LRP1B: variants seen among roughly 807,000 people sequenced by gnomAD.
LRP1B encodes LDL receptor related protein 1B, also known as low-density lipoprotein receptor-related protein 1B.
In LRP1B, 217 loss-of-function variants were observed where a neutral mutation model predicts 556.6. The observed-to-expected ratio is 0.39, with a 90% CI of 0.35 to 0.44. LRP1B has a LOEUF of 0.44. Ranked by LOEUF, LRP1B falls within the 20% of genes least tolerant of loss-of-function variation. The pLI, the probability that LRP1B is intolerant of heterozygous loss-of-function variation, is 1.00. For missense variants in LRP1B, 5,053 were observed against 5,620.8 expected, an observed-to-expected ratio of 0.90 and a Z score of 3.23; for synonymous variants, 2,047 against 1,865.8, an observed-to-expected ratio of 1.10 and a Z score of -2.50.
At chr2:141,331,541 T>TTTCTTTCTTTCTTTTCTTTCTTTCTTTC (rs141339943) in intron 3 of LRP1B, among the ~76,000 whole-genome samples, 1 of 144,648 alleles carries the variant, frequency 6.9e-6, no homozygotes, top group African/African-American at 2.7e-5. Flanking sequence ...TCTTTCTTTC[T>TTTCTTTCTTTCTTTTCTTTCTTTCTTTC]TTCTTTCTTT....
At chr2:140,367,508 T>C (rs1476607871) in intron 71 of LRP1B, among the ~76,000 whole-genome samples, 1 of 151,690 alleles carries the variant, frequency 6.6e-6, no homozygotes, top group African/African-American at 2.4e-5. Flanking sequence ...GATACTCCTT[T>C]CTCTCAAACT....
intron 7 of LRP1B, among the ~76,000 whole-genome samples, chr2:141,185,568 G>A (rs1361646841): frequency 6.6e-6 from 1 of 150,818 alleles, no homozygotes; most frequent in Non-Finnish European, 1.5e-5. Flanking sequence ...TAAAAACAAG[G>A]TTGATTTAAA....
chr2:141,742,317 T>C (rs940096390), intron 2 of LRP1B, among the ~76,000 whole-genome samples: 1 of 150,556 alleles, frequency 6.6e-6, no homozygotes, highest in African/African-American at 2.4e-5. Flanking sequence ...AGTGGTGCAA[T>C]CTCGACTCAC....
chr2:140,508,924 C>T (rs947219384), intron 52 of LRP1B, among the ~76,000 whole-genome samples: 1 of 152,056 alleles, frequency 6.6e-6, no homozygotes, highest in African/African-American at 2.4e-5. Flanking sequence ...GCCTCATTGA[C>T]CTTTACAGAC....
At chr2:140,740,578 G>A (rs1688103089) in intron 35 of LRP1B, among the ~76,000 whole-genome samples, 1 of 152,008 alleles carries the variant, frequency 6.6e-6, no homozygotes, top group South Asian at 2.1e-4. Context: ...CAGGTGATGG[G>A]TGCACCAAAA....
intron 32 of LRP1B, among the ~76,000 whole-genome samples, chr2:140,784,301 T>C (rs934899636): frequency 6.6e-6 from 1 of 151,310 alleles, no homozygotes; most frequent in Non-Finnish European, 1.5e-5. Flanking sequence ...ATGTGAGATA[T>C]TAAAAGGTTT....
At chr2:140,377,200 C>G (rs754523780) in intron 68 of LRP1B, among the ~76,000 whole-genome samples, 3 of 152,126 alleles carry the variant, frequency 2.0e-5, no homozygotes, top group African/African-American at 7.2e-5. Flanking sequence ...CTCAGCCTCC[C>G]AAGTAGCTGG....
At chr2:141,603,397 T>G (rs1447044839) in intron 2 of LRP1B, among the ~76,000 whole-genome samples, 1 of 152,196 alleles carries the variant, frequency 6.6e-6, no homozygotes, top group African/African-American at 2.4e-5. Flanking sequence ...AATCCTACTT[T>G]CTACATGAAA....
chr2:141,465,865 C>T (rs1244184426), intron 3 of LRP1B, among the ~76,000 whole-genome samples: 2 of 148,414 alleles, frequency 1.3e-5, no homozygotes, highest in African/African-American at 5.0e-5. Flanking sequence ...ACTTTTATAC[C>T]TCTCAGGTAT....
intron 2 of LRP1B, among the ~76,000 whole-genome samples, chr2:141,664,860 A>G (rs1243232975): frequency 6.6e-6 from 1 of 152,226 alleles, no homozygotes; most frequent in Non-Finnish European, 1.5e-5. Context: ...AAAGTACTTT[A>G]AAATTGATAT....
chr2:141,153,473 AATAT>A (rs538879752), intron 7 of LRP1B, among the ~76,000 whole-genome samples: 2 of 113,938 alleles, frequency 1.8e-5, no homozygotes, highest in African/African-American at 3.2e-5. Context: ...TATAATAAAT[AATAT>A]ATATATTAGC....
rs535201246 is a variant in LRP1B at position 141,391,935 on chromosome 2, T to C, written c.343+88461A>G. ...AATTTTACCCCTATGATGTACCCAC[T>C]ACTATGTATAAGTAAAAATACCCTC... is the stretch of plus-strand genomic sequence containing the variant. On this transcript the variant is annotated intron_variant, in intron 3 of 90. Transcript: ENST00000389484. Among the ~76,000 whole-genome samples, 3 of 152,316 alleles carry C rather than the reference T, an allele frequency of 2.0e-5. No homozygotes were observed. In the South Asian group the frequency reaches 6.2e-4, roughly 32 times the overall value.
At chr2:140,920,972 T>C (rs772556961) in intron 21 of LRP1B, among the ~76,000 whole-genome samples, 1 of 152,032 alleles carries the variant, frequency 6.6e-6, no homozygotes, top group African/African-American at 2.4e-5. Context: ...CAGATTTATT[T>C]TGATGTTGAA....
intron 41 of LRP1B, among the ~76,000 whole-genome samples, chr2:140,621,400 A>AAT (rs397956182): frequency 3.4e-4 from 51 of 150,756 alleles, no homozygotes; most frequent in African/African-American, 1.2e-3. Context: ...AAAAAAAAAA[A>AAT]GAAAAGAAGA....
intron 52 of LRP1B, among the ~76,000 whole-genome samples, chr2:140,508,292 G>A (rs1689505886): frequency 6.6e-6 from 1 of 151,832 alleles, no homozygotes; most frequent in African/African-American, 2.4e-5. Flanking sequence ...CATATTAGTA[G>A]GATATTTTAC....
At chr2:141,715,377 GAGAGGATCACT>G (rs1692542310) in intron 2 of LRP1B, among the ~76,000 whole-genome samples, 1 of 151,574 alleles carries the variant, frequency 6.6e-6, no homozygotes, top group Non-Finnish European at 1.5e-5. Context: ...AGGCCAAGGT[GAGAGGATCACT>G]AGAGCCAGGG....
chr2:141,361,585 T>C (rs1688828129), intron 3 of LRP1B, among the ~76,000 whole-genome samples: 1 of 152,206 alleles, frequency 6.6e-6, no homozygotes, highest in African/African-American at 2.4e-5. Flanking sequence ...TGTCTCAGTA[T>C]TGGAAATCAT....
rs187227990 is a variant in LRP1B, at chr2:140,265,424, T to C, written c.13247+4818A>G. ...TGGCATTTTCTGTTTATTCCACACATAGTTATAAGTAAAAATGGCCATCAA... is the reference window on the plus strand; with the variant it reads ...TGGCATTTTCTGTTTATTCCACACACAGTTATAAGTAAAAATGGCCATCAA... On this transcript the variant is annotated intron_variant, in intron 86 of 90. Coordinates refer to ENST00000389484, the MANE Select transcript of LRP1B (RefSeq NM_018557.3). Among the ~76,000 whole-genome samples the C allele has an allele frequency of 1.1e-4, 17 of 152,224 alleles. No individual in the cohort carries two copies. The East Asian group carries it at 3.1e-3, about 28-fold the overall frequency.
intron 1 of LRP1B, among the ~76,000 whole-genome samples, chr2:142,054,294 GGATA>G (rs888318259): frequency 1.1e-4 from 17 of 152,064 alleles, no homozygotes; most frequent in African/African-American, 4.1e-4. Flanking sequence ...TGCTTAGAGT[GGATA>G]GAGTACAAGA....
Sources: allele counts gnomAD v4.1 joint callset (sites outside exome capture counted in the v4.1 genomes callset), GRCh38; gene constraint gnomAD v4.1.1; transcripts MANE v1.5; gene names NCBI Gene and HGNC (gene_info 2026-07-23, HGNC 2026-07-21).